The following PAK1 variants were observed in gnomAD, a reference collection of about 807,000 sequenced individuals.
The protein encoded by PAK1 is p21 (RAC1) activated kinase 1.
Under a neutral mutation model 67.4 loss-of-function variants are expected in PAK1, and 29 were observed. That is an observed-to-expected ratio of 0.43 (90% CI 0.32 to 0.59). PAK1 has a LOEUF of 0.59. Ranked by LOEUF, PAK1 falls within the 20% of genes least tolerant of loss-of-function variation. PAK1 has a pLI of 0.07. For missense variants in PAK1, 337 were observed against 670.7 expected, an observed-to-expected ratio of 0.50 and a Z score of 5.50; for synonymous variants, 223 against 237.4, an observed-to-expected ratio of 0.94 and a Z score of 0.56.
intron 1 of PAK1, among the ~76,000 whole-genome samples, chr11:77,465,381 A>G (rs1039275027): frequency 1.3e-5 from 2 of 152,142 alleles, no homozygotes; most frequent in Non-Finnish European, 2.9e-5. Flanking sequence ...ATTAAGTTAA[A>G]TGAGACTCTA....
At chr11:77,423,064 C>G (rs1239711915) in intron 1 of PAK1, among the ~76,000 whole-genome samples, 1 of 151,982 alleles carries the variant, frequency 6.6e-6, no homozygotes, top group Non-Finnish European at 1.5e-5. Context: ...CTGTTTTCTA[C>G]TACTTACAGC....
At chr11:77,392,160 T>C (rs1951220073) in intron 2 of PAK1, among the ~76,000 whole-genome samples, 171 bp downstream of exon 2, 1 of 151,910 alleles carries the variant, frequency 6.6e-6, no homozygotes, top group South Asian at 2.1e-4. Context: ...AGTATAAAAA[T>C]AGGTCTATTT....
chr11:77,390,347 C>A (rs1410382454), intron 2 of PAK1, among the ~76,000 whole-genome samples: 5 of 151,988 alleles, frequency 3.3e-5, no homozygotes, highest in Admixed American at 2.0e-4. Flanking sequence ...ATTATAGGCG[C>A]CTGCCAGCAT....
At chr11:77,488,816 G>A in the PAK1 span, among the ~76,000 whole-genome samples, 1 of 152,032 alleles carries the variant, frequency 6.6e-6, no homozygotes, top group East Asian at 1.9e-4. Context: ...AGCCTCAAAA[G>A]GTCAAACCTA....
intron 8 of PAK1, among the ~76,000 whole-genome samples, chr11:77,350,578 A>G (rs1318454654): frequency 2.0e-5 from 3 of 152,230 alleles, no homozygotes; most frequent in Non-Finnish European, 2.9e-5. Flanking sequence ...TGTTAGGTAC[A>G]TATGATGCAA....
intron 14 of PAK1, among the ~76,000 whole-genome samples, chr11:77,331,647 A>C (rs1430042051): frequency 6.6e-6 from 1 of 152,154 alleles, no homozygotes; most frequent in Non-Finnish European, 1.5e-5. Context: ...GGGTCAGGGG[A>C]GGGTGGAGGG....
At chr11:77,465,448 T>G (rs531023186) in intron 1 of PAK1, among the ~76,000 whole-genome samples, 2 of 152,238 alleles carry the variant, frequency 1.3e-5, no homozygotes, top group East Asian at 3.9e-4. Context: ...ATCCTATATA[T>G]AATCTCTAGA....
intron 1 of PAK1, among the ~76,000 whole-genome samples, chr11:77,430,470 G>A (rs1277669625): frequency 6.6e-6 from 1 of 152,190 alleles, no homozygotes; most frequent in Non-Finnish European, 1.5e-5. Flanking sequence ...CTCCTCCAAA[G>A]TCTAGTACTG....
the PAK1 span, among the ~76,000 whole-genome samples, chr11:77,498,691 ATTTTTTTT>A: frequency 3.2e-4 from 23 of 72,072 alleles, no homozygotes; most frequent in Non-Finnish European, 5.0e-4. Context: ...CTTGCTTGTA[ATTTTTTTT>A]TTTTTTTTTT....
intron 1 of PAK1, among the ~76,000 whole-genome samples, chr11:77,459,350 A>G (rs1018113889): frequency 1.1e-4 from 17 of 152,332 alleles, no homozygotes; most frequent in African/African-American, 3.4e-4. Flanking sequence ...AGTCAAGGGA[A>G]GAGATGATTA....
intron 1 of PAK1, among the ~76,000 whole-genome samples, chr11:77,451,977 T>A (rs994839286): frequency 6.6e-6 from 1 of 152,172 alleles, no homozygotes; most frequent in South Asian, 2.1e-4. Context: ...TCCCCTACAT[T>A]TATATATATT....
At chr11:77,334,828 G>GA (rs1049127905) in intron 13 of PAK1, among the ~76,000 whole-genome samples, 17 of 150,830 alleles carry the variant, frequency 1.1e-4, no homozygotes, top group Non-Finnish European at 1.6e-4. Flanking sequence ...TCCTTTAAGA[G>GA]AAAAAAAAAC....
At chr11:77,353,658 TC>T in intron 7 of PAK1, 59 bp from the exon 8 acceptor site, 1 of 1,362,160 alleles carries the variant, frequency 7.3e-7, no homozygotes, top group Non-Finnish European at 1.1e-6. Context: ...CAAAAAAGGT[TC>T]CACATTTCCC....
chr11:77,502,067 G>A, the PAK1 span, among the ~76,000 whole-genome samples: 12 of 126,520 alleles, frequency 9.5e-5, no homozygotes, highest in South Asian at 3.4e-3. Flanking sequence ...ATATATTGGC[G>A]CCAAAGATTA....
At chr11:77,362,636 CTTACT>C (rs778269570) in intron 5 of PAK1, among the ~76,000 whole-genome samples, 16 of 152,140 alleles carry the variant, frequency 1.1e-4, no homozygotes, top group Non-Finnish European at 2.2e-4. Context: ...TGTATTAGTA[CTTACT>C]TTAGTGTTAG....
At chr11:77,423,479 T>C (rs1955393852) in intron 1 of PAK1, among the ~76,000 whole-genome samples, 1 of 147,492 alleles carries the variant, frequency 6.8e-6, no homozygotes, top group African/African-American at 2.5e-5. Context: ...GGAATACAGG[T>C]AATAAAGTAG....
Position 77,412,617 on chromosome 11 carries a change from G to T in PAK1, c.-21-20076C>A, listed in dbSNP as rs573985030. Among the ~76,000 whole-genome samples the T allele has an allele frequency of 6.6e-4, 100 of 151,986 alleles. 1 individual carries two copies. Among genetic ancestry groups the T allele is most frequent in the African/African-American group, 2.3e-3 (94 of 41,438 alleles). On this transcript the variant is annotated intron_variant, in intron 1 of 14. Coordinates refer to ENST00000356341, the MANE Select transcript of PAK1 (RefSeq NM_002576.5). ...TTATTTTTATATTTTTTGTACAGAT[G>T]GGGTCTGCCATGTTGCCCAGGCTGG... is the stretch of plus-strand genomic sequence containing the variant.
chr11:77,467,038 C>T (rs1039195384), intron 1 of PAK1, among the ~76,000 whole-genome samples: 1 of 152,162 alleles, frequency 6.6e-6, no homozygotes, highest in African/African-American at 2.4e-5. Flanking sequence ...TCACGCCTCC[C>T]CACTTTACAC....
At chr11:77,331,324 A>T (rs1377093776) in intron 14 of PAK1, among the ~76,000 whole-genome samples, 1 of 152,244 alleles carries the variant, frequency 6.6e-6, no homozygotes, top group Non-Finnish European at 1.5e-5. Flanking sequence ...TGCTGTAAAG[A>T]CACATGCACA....
Sources: allele counts gnomAD v4.1 joint callset (sites outside exome capture counted in the v4.1 genomes callset), GRCh38; gene constraint gnomAD v4.1.1; transcripts MANE v1.5; gene names NCBI Gene and HGNC (gene_info 2026-07-23, HGNC 2026-07-21).